Variants in HCFC2 observed in about 807,000 individuals in gnomAD.
HCFC2 encodes host cell factor C2.
Under a neutral mutation model 89.2 loss-of-function variants are expected in HCFC2, and 18 were observed. That is an observed-to-expected ratio of 0.20 (90% confidence interval 0.14 to 0.30). HCFC2 has a LOEUF of 0.30. Among genes scored for constraint, HCFC2 ranks in the 10% least tolerant of loss-of-function variants. The probability of loss-of-function intolerance (pLI) is 1.00; values close to 1 mark genes in which losing one functional copy is unlikely to be tolerated. For missense variants in HCFC2, 578 were observed against 956.1 expected, an observed-to-expected ratio of 0.60 and a Z score of 5.21; for synonymous variants, 308 against 335.7, an observed-to-expected ratio of 0.92 and a Z score of 0.90.
chr12:104,087,473 A>ATATG (rs1188136240), intron 8 of HCFC2, among the ~76,000 whole-genome samples: 17 of 119,112 alleles, frequency 1.4e-4, no homozygotes, highest in Admixed American at 1.4e-3. Context: ...ATACATATAT[A>ATATG]TATATATATA....
chr12:104,067,725 A>G (rs1883193303), intron 2 of HCFC2, among the ~76,000 whole-genome samples: 1 of 152,246 alleles, frequency 6.6e-6, no homozygotes, highest in Non-Finnish European at 1.5e-5. Context: ...TGAGTTTGCC[A>G]TGGAAATCTG....
intron 11 of HCFC2, 21 bp from the exon 12 acceptor site, chr12:104,096,339 G>T: frequency 6.5e-7 from 1 of 1,541,504 alleles, no homozygotes; most frequent in Non-Finnish European, 8.9e-7. Flanking sequence ...AATCTTATCT[G>T]ATAAATTGTT....
At chr12:104,081,750 A>G (rs1283656392) in intron 5 of HCFC2, among the ~76,000 whole-genome samples, 1 of 152,032 alleles carries the variant, frequency 6.6e-6, no homozygotes, top group Non-Finnish European at 1.5e-5. Flanking sequence ...TTTAAAAAAT[A>G]GAGCTGTAGC....
intron 3 of HCFC2, among the ~76,000 whole-genome samples, chr12:104,070,714 A>G (rs1330606585): frequency 6.6e-6 from 1 of 152,148 alleles, no homozygotes; most frequent in Non-Finnish European, 1.5e-5. Context: ...TTTTTAAAAT[A>G]TAGAAATACT....
chr12:104,095,621 A>G lies in HCFC2; in HGVS notation c.1666+58A>G, dbSNP rs1884155568. On this transcript the variant is annotated intron_variant, in intron 11 of 14. Transcript: ENST00000229330. This position sits in a 1 kb window ranked among gnomAD's most constrained non-coding sequence, Gnocchi z 4.2. The stretch of plus-strand genomic sequence containing the variant: ...ACCATTTATGTATATAAATTCATCA[A>G]ACTTACTTGTCTTAGATGGGAGTTG... 4 of 1,370,816 alleles carry G rather than the reference A, an allele frequency of 2.9e-6. No individual in the cohort carries two copies. Among genetic ancestry groups the G allele is most frequent in the East Asian group, 2.3e-5 (1 of 42,830 alleles). 84.9% of individuals were successfully genotyped at this position (1,370,816 alleles called of 1,614,324 possible).
intron 3 of HCFC2, among the ~76,000 whole-genome samples, chr12:104,075,869 G>A (rs551233390): frequency 2.0e-5 from 3 of 151,864 alleles, no homozygotes; most frequent in Non-Finnish European, 4.4e-5. Flanking sequence ...ATCTTTGGCC[G>A]TATGCCGTAG....
At chr12:104,074,415 C>T (rs1253396305) in intron 3 of HCFC2, among the ~76,000 whole-genome samples, 1 of 152,226 alleles carries the variant, frequency 6.6e-6, no homozygotes, top group East Asian at 1.9e-4. Context: ...CCACCTTGGC[C>T]TCCCAAAGTG....
chr12:104,102,877 T>C (rs2029990168), intron 14 of HCFC2, 82 bp from the exon 15 acceptor site: 1 of 1,148,258 alleles, frequency 8.7e-7, no homozygotes. Flanking sequence ...ACATTTTGTA[T>C]TCTAAAGATA....
At chr12:104,090,824 T>C (rs1435235503) in intron 9 of HCFC2, 1 of 152,198 alleles carries the variant, frequency 6.6e-6, no homozygotes, top group Admixed American at 6.5e-5. Context: ...TGGTGATACT[T>C]GGCTGTCCCT....
intron 13 of HCFC2, among the ~76,000 whole-genome samples, chr12:104,101,236 C>A (rs1009362070): frequency 6.6e-6 from 1 of 152,202 alleles, no homozygotes; most frequent in East Asian, 1.9e-4. Flanking sequence ...GTAATCCCAG[C>A]ACTTTGGGAG....
chr12:104,093,354 C>CTTA, intron 9 of HCFC2, 32 bp from the exon 10 acceptor site: 2 of 1,472,234 alleles, frequency 1.4e-6, no homozygotes, highest in Non-Finnish European at 1.9e-6. Context: ...TTGAATATTG[C>CTTA]TTACTACAGT....
intron 3 of HCFC2, among the ~76,000 whole-genome samples, chr12:104,074,640 C>T (rs1162245533): frequency 6.6e-6 from 1 of 151,944 alleles, no homozygotes; most frequent in African/African-American, 2.4e-5. Flanking sequence ...CTTTTTATTC[C>T]TAGTTAAATC....
chr12:104,103,075 A>C lies in HCFC2; in HGVS notation c.2181A>C (p.Gln727His). 6.2e-7 allele frequency: 1 copy of C among 1,614,066 alleles called. No homozygotes were observed. The highest frequency in any genetic ancestry group is 8.5e-7 in the Non-Finnish European group (1 of 1,179,922). ...RTAQIQDNPSQLVFMRIYCGL... is the reference protein window; with the variant it reads ...RTAQIQDNPSHLVFMRIYCGL... ...CACAGATACAAGATAATCCAAGTCA[A>C]CTTGTGTTCATGAGGATTTATTGTG... Residue 727 changes from glutamine (Q) to histidine (H), a missense_variant, in exon 15 of 15, where the codon CAA (glutamine) becomes CAC (histidine). Physicochemically the swap from Gln to His is conservative, Grantham distance 24. Coordinates refer to ENST00000229330, the MANE Select transcript of HCFC2 (RefSeq NM_013320.3).
At chr12:104,100,338 T>G (rs1025966113) in intron 13 of HCFC2, among the ~76,000 whole-genome samples, 1 of 152,136 alleles carries the variant, frequency 6.6e-6, no homozygotes, top group East Asian at 1.9e-4. Context: ...CCCAGTACTT[T>G]GGAAGTCCAA....
At chr12:104,087,535 G>C (rs1036331727) in intron 8 of HCFC2, among the ~76,000 whole-genome samples, 4 of 148,664 alleles carry the variant, frequency 2.7e-5, no homozygotes, top group African/African-American at 9.9e-5. Flanking sequence ...ATTAGGTTTG[G>C]TTTAAGAAAT....
chr12:104,074,486 T>C (rs901337256), intron 3 of HCFC2, among the ~76,000 whole-genome samples: 2 of 152,202 alleles, frequency 1.3e-5, no homozygotes, highest in African/African-American at 4.8e-5. Flanking sequence ...TCCAGCTTAC[T>C]AGTTTTATTT....
Position 104,104,241 on chromosome 12 carries a change from AT to A in HCFC2, c.*973del, listed in dbSNP as rs2030029701. Reference sequence around the variant, plus strand: ...AAATAGTGTTTTAAACATTTGTAAGATTTTTGTAAATGCTCTAAATGTTTTA... The same window carrying A: ...AAATAGTGTTTTAAACATTTGTAAGATTTTGTAAATGCTCTAAATGTTTTA... On this transcript the variant is annotated 3_prime_UTR_variant, in exon 15 of 15. Coordinates refer to ENST00000229330, the MANE Select transcript of HCFC2 (RefSeq NM_013320.3). The A allele has an allele frequency of 6.6e-6, 1 of 152,056 alleles. No individual in the cohort carries two copies. The allele number at this position is 152,056 out of a possible 1,614,324, so 9.4% of individuals were successfully genotyped here. A position where few individuals can be genotyped will look rare whatever the true frequency, so the allele number is the denominator to read the frequency against.
intron 1 of HCFC2, among the ~76,000 whole-genome samples, chr12:104,065,652 T>C (rs1018837376): frequency 6.6e-6 from 1 of 152,144 alleles, no homozygotes; most frequent in African/African-American, 2.4e-5. Flanking sequence ...CATATGAAGG[T>C]AAAAAGTTAC....
intron 7 of HCFC2, 39 bp from the exon 8 acceptor site, chr12:104,086,808 C>T: frequency 1.3e-6 from 2 of 1,577,556 alleles, no homozygotes; most frequent in Non-Finnish European, 1.7e-6. Flanking sequence ...CATTTATACA[C>T]TGGAAACTTA....
Sources: gnomAD v4.1 joint callset for allele counts (sites outside exome capture counted in the v4.1 genomes callset) on GRCh38, gnomAD v4.1.1 for gene constraint, Gnocchi (gnomAD v3.1) non-coding constraint, MANE v1.5 for transcripts, NCBI Gene and HGNC (gene_info 2026-07-23, HGNC 2026-07-21) for gene names.